AKR1C8: variants seen among roughly 807,000 people sequenced by gnomAD.
AKR1C8 encodes aldo-keto reductase family 1 member C-like protein 1.
chr10:5,182,305 A>G, the AKR1C8 span, among the ~76,000 whole-genome samples: 2 of 152,200 alleles, frequency 1.3e-5, no homozygotes, highest in Non-Finnish European at 2.9e-5. Context: ...CTGGAAGGAT[A>G]TATTTCCCTT....
the AKR1C8 span, among the ~76,000 whole-genome samples, chr10:5,158,406 G>C: frequency 6.6e-6 from 1 of 152,216 alleles, no homozygotes; most frequent in Non-Finnish European, 1.5e-5. Context: ...TAGTCACATA[G>C]ATGAAACAGG....
the AKR1C8 span, chr10:5,159,897 G>C: frequency 1.9e-6 from 1 of 519,798 alleles, no homozygotes; most frequent in South Asian, 1.4e-5. Context: ...TTGCAGGTGG[G>C]CTTGTACTTG....
At chr10:5,145,415 C>T in the AKR1C8 span, among the ~76,000 whole-genome samples, 1 of 151,986 alleles carries the variant, frequency 6.6e-6, no homozygotes, top group Non-Finnish European at 1.5e-5. Context: ...AGGCAACCTA[C>T]AAAATGGGAG....
At chr10:5,179,320 T>G in the AKR1C8 span, among the ~76,000 whole-genome samples, 1 of 152,250 alleles carries the variant, frequency 6.6e-6, no homozygotes, top group African/African-American at 2.4e-5. Context: ...CACTCTCTTC[T>G]GGCATGTAGA....
chr10:5,171,750 C>A, the AKR1C8 span, among the ~76,000 whole-genome samples: 4 of 151,976 alleles, frequency 2.6e-5, no homozygotes, highest in Non-Finnish European at 5.9e-5. Context: ...CTGGATGATG[C>A]CCCTTTAACC....
chr10:5,158,794 A>G, the AKR1C8 span: 3 of 457,902 alleles, frequency 6.6e-6, no homozygotes, highest in African/African-American at 4.1e-5. Context: ...AGGAATGTGT[A>G]ATACTACATT....
At chr10:5,141,783 T>C in the AKR1C8 span, among the ~76,000 whole-genome samples, 15 of 152,166 alleles carry the variant, frequency 9.9e-5, no homozygotes. Flanking sequence ...CTTGAAATAT[T>C]CAGTAACCAT....
chr10:5,128,136 TAAAC>T, the AKR1C8 span, among the ~76,000 whole-genome samples: 2 of 152,162 alleles, frequency 1.3e-5, no homozygotes, highest in African/African-American at 4.8e-5. Context: ...TTAGCCTTCT[TAAAC>T]AAAATAACTG....
At chr10:5,124,991 TA>T in the AKR1C8 span, among the ~76,000 whole-genome samples, 34 of 145,524 alleles carry the variant, frequency 2.3e-4, no homozygotes, top group Middle Eastern at 3.5e-3. Flanking sequence ...TTTGAAAACG[TA>T]AAAAAAAAAA....
chr10:5,135,116 C>T, the AKR1C8 span: 81,996 of 210,436 alleles, frequency 0.39, 17,180 homozygotes, highest in Non-Finnish European at 0.44. Context: ...TTTTAAATGC[C>T]CAACACTGAA....
chr10:5,152,585 A>G, the AKR1C8 span, among the ~76,000 whole-genome samples: 1 of 152,052 alleles, frequency 6.6e-6, no homozygotes, highest in African/African-American at 2.4e-5. Flanking sequence ...AGACATTAAC[A>G]TTTTTCTCCG....
At chr10:5,177,095 TATG>T in the AKR1C8 span, among the ~76,000 whole-genome samples, 1 of 152,158 alleles carries the variant, frequency 6.6e-6, no homozygotes, top group Admixed American at 6.5e-5. Context: ...GCCCATTCAG[TATG>T]ATATTAGCTG....
the AKR1C8 span, among the ~76,000 whole-genome samples, chr10:5,128,743 A>G: frequency 6.6e-6 from 1 of 152,114 alleles, no homozygotes; most frequent in South Asian, 2.1e-4. Flanking sequence ...ATATATTACA[A>G]TCTTAAATTT....
the AKR1C8 span, among the ~76,000 whole-genome samples, chr10:5,141,808 T>A: frequency 1.3e-5 from 2 of 152,166 alleles, no homozygotes; most frequent in Non-Finnish European, 2.9e-5. Context: ...TAAAGAGCTA[T>A]GCTGTAAGAC....
the AKR1C8 span, among the ~76,000 whole-genome samples, chr10:5,170,782 C>T: frequency 6.6e-6 from 1 of 152,056 alleles, no homozygotes; most frequent in African/African-American, 2.4e-5. Flanking sequence ...GGTAAAATAA[C>T]CAGTTTTTCC....
At chr10:5,123,218 A>ACT in the AKR1C8 span, 1 of 174,608 alleles carries the variant, frequency 5.7e-6, no homozygotes, top group African/African-American at 2.4e-5. Context: ...ACCTTACAGG[A>ACT]AGCACATGTG....
At chr10:5,130,244 C>T in the AKR1C8 span, among the ~76,000 whole-genome samples, 1 of 151,784 alleles carries the variant, frequency 6.6e-6, no homozygotes, top group African/African-American at 2.4e-5. Flanking sequence ...AAACCCTCAA[C>T]AAACTAGACA....
chr10:5,178,238 C>T, the AKR1C8 span, among the ~76,000 whole-genome samples: 1 of 152,090 alleles, frequency 6.6e-6, no homozygotes, highest in African/African-American at 2.4e-5. Context: ...TCGTTATGTA[C>T]CCAGTAGTCA....
chr10:5,138,833 A>T, the AKR1C8 span, among the ~76,000 whole-genome samples: 1 of 152,162 alleles, frequency 6.6e-6, no homozygotes, highest in Non-Finnish European at 1.5e-5. Flanking sequence ...AGAAAGAAAT[A>T]AAGAGTATTC....
Sources: gnomAD v4.1 joint callset for allele counts (sites outside exome capture counted in the v4.1 genomes callset) on GRCh38, gnomAD v4.1.1 for gene constraint, MANE v1.5 for transcripts, NCBI Gene and HGNC (gene_info 2026-07-23, HGNC 2026-07-21) for gene names.